FBXW11: variants seen among roughly 807,000 people sequenced by gnomAD.
The protein encoded by FBXW11 is F-box and WD repeat domain containing 11, also known as F-box/WD repeat-containing protein 11.
A neutral mutation model predicts 77.6 loss-of-function variants in FBXW11; 19 were observed. The ratio of observed to expected loss-of-function variants is 0.24; its 90% CI spans 0.17 to 0.36. The LOEUF (loss-of-function observed/expected upper bound fraction) is 0.36. Ranked by LOEUF, FBXW11 falls within the 10% of genes least tolerant of loss-of-function variation. The pLI is 1.00. For synonymous variants in FBXW11, 235 were observed against 249.4 expected (o/e 0.94, Z 0.54); for missense variants, 334 against 704.2 (o/e 0.47, Z 5.95).
chr5:171,900,090 T>C lies in FBXW11; in HGVS notation c.447A>G (p.Leu149=). The C allele has an allele frequency of 6.2e-7, 1 of 1,611,642 alleles. No individual in the cohort carries two copies. Among genetic ancestry groups the C allele is most frequent in the Non-Finnish European group, 8.5e-7 (1 of 1,178,444 alleles). Residue 149 remains leucine (L), a synonymous_variant, in exon 5 of 14, where the codon TTA becomes TTG. Coordinates refer to ENST00000517395, the MANE Select transcript of FBXW11 (RefSeq NM_001378974.1). ...AAAGAATGTTTTCTGCTATGTGATCTAAGCCTTGCTCTACAAAACAGAAAA... is the reference window on the plus strand; with the variant it reads ...AAAGAATGTTTTCTGCTATGTGATCCAAGCCTTGCTCTACAAAACAGAAAA... The part of the protein sequence containing the change: ...DFITALPEQG[L]DHIAENILSY...
At chr5:171,995,612 G>A (rs192612473) in intron 1 of FBXW11, among the ~76,000 whole-genome samples, 65 of 152,104 alleles carry the variant, frequency 4.3e-4, no homozygotes, top group African/African-American at 1.5e-3. Flanking sequence ...AAATTAGCTG[G>A]GCGTGGTGGT....
At chr5:171,985,129 T>TA (rs1765365770) in intron 1 of FBXW11, among the ~76,000 whole-genome samples, 1 of 152,214 alleles carries the variant, frequency 6.6e-6, no homozygotes, top group South Asian at 2.1e-4. Flanking sequence ...TACCATCTGT[T>TA]ACTATCTCAT....
chr5:171,937,837 C>CAAAAAAAAAAAA (rs893848306), intron 2 of FBXW11, among the ~76,000 whole-genome samples: 5 of 57,792 alleles, frequency 8.7e-5, no homozygotes, highest in Admixed American at 2.0e-4. Context: ...CAAAAAAAAG[C>CAAAAAAAAAAAA]AAAAAAAAAA....
intron 9 of FBXW11, among the ~76,000 whole-genome samples, chr5:171,875,490 A>G (rs1401773323): frequency 6.6e-6 from 1 of 152,208 alleles, no homozygotes; most frequent in Non-Finnish European, 1.5e-5. Flanking sequence ...AGGGTTTTAG[A>G]GCGCGATGAA....
chr5:171,959,107 T>C (rs138574854), intron 1 of FBXW11, among the ~76,000 whole-genome samples: 3 of 151,522 alleles, frequency 2.0e-5, no homozygotes, highest in Non-Finnish European at 2.9e-5. Flanking sequence ...ATATTGAGAT[T>C]ACTTAGAAAA....
intron 7 of FBXW11, among the ~76,000 whole-genome samples, chr5:171,878,992 CT>C (rs1354060135): frequency 1.7e-4 from 26 of 152,058 alleles, no homozygotes; most frequent in Non-Finnish European, 7.4e-5. Flanking sequence ...AAATATCATG[CT>C]TTATTACAAA....
intron 1 of FBXW11, among the ~76,000 whole-genome samples, chr5:171,991,874 G>A (rs1345360674): frequency 2.6e-5 from 4 of 152,148 alleles, no homozygotes; most frequent in African/African-American, 9.7e-5. Flanking sequence ...CAGCACTTTG[G>A]GAGGCCGAGG....
chr5:171,930,656 C>T (rs1762119783), intron 2 of FBXW11, among the ~76,000 whole-genome samples: 1 of 151,102 alleles, frequency 6.6e-6, no homozygotes, highest in Admixed American at 6.6e-5. Flanking sequence ...GCTGACCTTC[C>T]CTCCACTATT....
chr5:171,941,347 G>T (rs1762743409), intron 2 of FBXW11, among the ~76,000 whole-genome samples: 1 of 152,102 alleles, frequency 6.6e-6, no homozygotes, highest in Admixed American at 6.6e-5. Flanking sequence ...GTAATCTTCA[G>T]AAGTGTCAAG....
At chr5:171,877,119 G>C (rs753811702) in intron 8 of FBXW11, among the ~76,000 whole-genome samples, 1 of 152,198 alleles carries the variant, frequency 6.6e-6, no homozygotes, top group Non-Finnish European at 1.5e-5. Flanking sequence ...GAAGTGCTGA[G>C]ATGGTTTCAG....
At chr5:171,879,745 C>A (rs776416590) in intron 7 of FBXW11, among the ~76,000 whole-genome samples, 11 of 152,162 alleles carry the variant, frequency 7.2e-5, no homozygotes, top group Non-Finnish European at 1.3e-4. Context: ...ATCTGTATAT[C>A]CTTCTTTGGT....
In FBXW11 at chr5:172,003,070, A is replaced by C. The variant is rs554316470; in HGVS notation, c.45+3388T>G. 4 of 152,316 alleles carry C rather than the reference A, an allele frequency of 2.6e-5. No individual in the cohort carries two copies. In the Middle Eastern group the frequency reaches 0.01, roughly 389 times the overall value. 9.4% of individuals were successfully genotyped at this position (152,316 alleles called of 1,614,324 possible). A position where few individuals can be genotyped will look rare whatever the true frequency, so the allele number is the denominator to read the frequency against. ...AAGTAATACAGCCACTTAAGAGATA[A>C]GACAGAAGGGAAATGACTCACTTAA... is the stretch of plus-strand genomic sequence containing the variant. On this transcript the variant is annotated intron_variant, in intron 1 of 13. Transcript: ENST00000517395.
intron 9 of FBXW11, among the ~76,000 whole-genome samples, chr5:171,874,559 T>A (rs1757951375): frequency 6.6e-6 from 1 of 151,962 alleles, no homozygotes. Context: ...GCTACACACT[T>A]CGTGATTTGT....
intron 4 of FBXW11, among the ~76,000 whole-genome samples, chr5:171,900,333 C>A (rs1029631757): frequency 1.3e-5 from 2 of 152,170 alleles, no homozygotes; most frequent in East Asian, 3.8e-4. Flanking sequence ...TGTGTAAAAG[C>A]TGACCTTGGA....
Position 171,876,257 on chromosome 5 carries a change from G to A in FBXW11, c.1221+28C>T. On this transcript the variant is annotated intron_variant, in intron 9 of 13. Transcript: ENST00000517395. This position sits in a 1 kb window ranked among gnomAD's most constrained non-coding sequence, Gnocchi z 4.2. The stretch of plus-strand genomic sequence containing the variant: ...TCTGTTCTAAAAGGGACAGGAACAG[G>A]TAGGGTTATGACTGCAGACATACTT... 1 of 1,612,754 alleles carries A rather than the reference G, an allele frequency of 6.2e-7. No individual in the cohort carries two copies. The highest frequency in any genetic ancestry group is 1.1e-5 in the South Asian group (1 of 90,902).
intron 1 of FBXW11, among the ~76,000 whole-genome samples, chr5:171,979,821 A>C (rs1469945750): frequency 6.6e-6 from 1 of 152,180 alleles, no homozygotes; most frequent in Non-Finnish European, 1.5e-5. Context: ...CTTAGCCACG[A>C]GAGTACACTG....
chr5:171,864,295 G>A (rs1757248251), intron 13 of FBXW11, among the ~76,000 whole-genome samples, 194 bp from the exon 14 acceptor site: 1 of 152,216 alleles, frequency 6.6e-6, no homozygotes, highest in Non-Finnish European at 1.5e-5. Flanking sequence ...ACAATCCTGT[G>A]AGGAAGAAAC....
intron 1 of FBXW11, among the ~76,000 whole-genome samples, chr5:171,994,181 C>T (rs990051723): frequency 3.3e-5 from 5 of 152,188 alleles, no homozygotes; most frequent in Admixed American, 2.0e-4. Flanking sequence ...CTGGATGATA[C>T]TCTAATCTAC....
chr5:171,972,347 A>ATAAT (rs1764579883), intron 1 of FBXW11, among the ~76,000 whole-genome samples: 1 of 143,232 alleles, frequency 7.0e-6, no homozygotes, highest in African/African-American at 2.8e-5. Flanking sequence ...AAATAAATAA[A>ATAAT]TAAATAAGCC....
Sources: gnomAD v4.1 joint callset for allele counts (sites outside exome capture counted in the v4.1 genomes callset) on GRCh38, gnomAD v4.1.1 for gene constraint, Gnocchi (gnomAD v3.1) non-coding constraint, MANE v1.5 for transcripts, NCBI Gene and HGNC (gene_info 2026-07-23, HGNC 2026-07-21) for gene names.